The following KMT2D variants were observed in gnomAD, a reference collection of about 807,000 sequenced individuals.
KMT2D encodes histone-lysine N-methyltransferase 2D.
A neutral mutation model predicts 512.7 loss-of-function variants in KMT2D; 55 were observed. The ratio of observed to expected loss-of-function variants is 0.11; its 90% CI spans 0.09 to 0.13. The LOEUF is 0.13. Among genes scored for constraint, KMT2D ranks in the 10% least tolerant of loss-of-function variants. The probability of loss-of-function intolerance (pLI) is 1.00; values close to 1 mark genes in which losing one functional copy is unlikely to be tolerated. For missense variants in KMT2D, 6,061 were observed against 7,127.9 expected, an observed-to-expected ratio of 0.85 and a Z score of 5.39; for synonymous variants, 2,995 against 2,904.0, an observed-to-expected ratio of 1.03 and a Z score of -1.01.
chr12:49,055,462 A>T, intron 1 of KMT2D, 101 bp from the exon 2 acceptor site: 1 of 689,810 alleles, frequency 1.4e-6, no homozygotes, highest in East Asian at 2.7e-5. Context: ...TCCAGACATC[A>T]GAGCAAAGCC....
At position 49,038,410 on chromosome 12, in the gene KMT2D, T is replaced by C. The variant is rs369850197; in HGVS notation, c.8946A>G (p.Glu2982=). The change falls in exon 35 of 55, where the codon GAA becomes GAG. Residue 2982 remains glutamate, a synonymous_variant. Coordinates refer to ENST00000301067, the MANE Select transcript of KMT2D (RefSeq NM_003482.4). This position sits in a 1 kb window ranked among gnomAD's most constrained non-coding sequence, Gnocchi z 5.7. ...GATCCTCACAGGGCAACTTCCCAGC[T>C]TCCAGGGCCAGAGGATTGGGGCGGC... is the stretch of plus-strand genomic sequence containing the variant. The part of the protein sequence containing the change: ...ELGRPNPLAL[E]AGKLPCEDPE... 4.3e-5 allele frequency: 69 copies of C among 1,613,586 alleles called. No homozygotes were observed. Among genetic ancestry groups the C allele is most frequent in the Non-Finnish European group, 5.8e-5 (68 of 1,179,724 alleles).
chr12:49,030,552 C>T (rs1193692519), intron 42 of KMT2D, 49 bp downstream of exon 42: 1 of 1,519,682 alleles, frequency 6.6e-7, no homozygotes, highest in East Asian at 2.3e-5. Flanking sequence ...CCCACCCTCA[C>T]CTTCCCAAGA....
At position 49,032,301 on chromosome 12, in the gene KMT2D, G is replaced by A. The variant is rs1233943512; in HGVS notation, c.12404C>T (p.Ala4135Val). The change falls in exon 40 of 55, where the codon GCT becomes GTT. Residue 4135 changes from alanine to valine, a missense_variant. By Grantham distance (64) the Ala-to-Val change is moderately conservative. This residue lies in a region of KMT2D where 1,600 missense variants were observed against 1,754.9 expected (regional missense o/e 0.91). Coordinates refer to ENST00000301067, the MANE Select transcript of KMT2D (RefSeq NM_003482.4). ...ATCCCCTAAGGAAACAGAGGGCTGA[G>A]CCAGCAGGTGGGGCACAGATGAGGC... ...SEASSVPHLL[A>V]QPSVSLGDQP... 1.9e-5 allele frequency: 30 copies of A among 1,613,824 alleles called. No homozygotes were observed. The highest frequency in any genetic ancestry group is 2.5e-5 in the Non-Finnish European group (30 of 1,179,862).
In KMT2D at chr12:49,044,589, G is replaced by C; in HGVS notation, c.4964-67C>G. 6.3e-7 allele frequency: 1 copy of C among 1,586,324 alleles called. No individual in the cohort carries two copies. ...TAGGCCCTTTTAACCTTGTCATCCT[G>C]CCACTGAGAGAGCTGAATACCTTGC... On this transcript the variant is annotated intron_variant, in intron 20 of 54. Transcript: ENST00000301067. This position sits in a 1 kb window ranked among gnomAD's most constrained non-coding sequence, Gnocchi z 6.4.
chr12:49,034,098 T>C lies in KMT2D; in HGVS notation c.10709A>G (p.Gln3570Arg). Residue 3570 changes from glutamine (Q) to arginine (R), a missense_variant, in exon 39 of 55, where the codon CAG becomes CGG. Transcript: ENST00000301067. Reference protein sequence around the residue: ...DAEKLKLVTEQQSKIQKQLDQ... With the variant: ...DAEKLKLVTERQSKIQKQLDQ... Reference sequence around the variant, plus strand: ...CAGTTGTTTCTGGATCTTGCTCTGCTGCTCTGTAACCAGCTTGAGCTTCTC... The same window carrying C: ...CAGTTGTTTCTGGATCTTGCTCTGCCGCTCTGTAACCAGCTTGAGCTTCTC... 2 of 1,612,958 alleles carry C rather than the reference T, an allele frequency of 1.2e-6. No homozygotes were observed. The highest frequency in any genetic ancestry group is 1.1e-5 in the South Asian group (1 of 91,082).
rs1382788744 is a variant in KMT2D, at chr12:49,026,970, C to A, written c.14996G>T (p.Gly4999Val). The change falls in exon 49 of 55, where the codon GGC (glycine) becomes GTC (valine). Residue 4999 changes from glycine (G) to valine (V), a missense_variant. By Grantham distance (109) the Gly-to-Val change is moderately radical. Around this residue, in one of 16 missense-constraint regions of KMT2D, gnomAD observed 1,600 missense variants for 1,754.9 expected, o/e 0.91. Coordinates refer to ENST00000301067, the MANE Select transcript of KMT2D (RefSeq NM_003482.4). The surrounding 1 kb of genome is among the most constrained non-coding windows in gnomAD (Gnocchi z 9.6). ...RLRLLLTIQK[G>V]SGRQEDEREV... Reference sequence around the variant, plus strand: ...CCGCTCATCCTCCTGCCGCCCACTGCCCTTCTGGATGGTCAGCAGCAGCCG... The same window carrying A: ...CCGCTCATCCTCCTGCCGCCCACTGACCTTCTGGATGGTCAGCAGCAGCCG... The A allele has an allele frequency of 6.2e-7, 1 of 1,614,044 alleles. No individual in the cohort carries two copies. Among genetic ancestry groups the A allele is most frequent in the Non-Finnish European group, 8.5e-7 (1 of 1,179,904 alleles).
chr12:49,042,982 G>A lies in KMT2D; in HGVS notation c.5644+94C>T, dbSNP rs1000582361. 6.4e-7 allele frequency: 1 copy of A among 1,567,362 alleles called. No individual in the cohort carries two copies. Among genetic ancestry groups the A allele is most frequent in the Non-Finnish European group, 8.8e-7 (1 of 1,140,346 alleles). On this transcript the variant is annotated intron_variant, in intron 26 of 54. Transcript: ENST00000301067. The surrounding 1 kb of genome is among the most constrained non-coding windows in gnomAD (Gnocchi z 4.4). Reference sequence around the variant, plus strand: ...AGGAACAGTCCAGGACTCCCCACCAGAGAAGCTGTACAGATCACAGTCCCA... The same window carrying A: ...AGGAACAGTCCAGGACTCCCCACCAAAGAAGCTGTACAGATCACAGTCCCA...
intron 13 of KMT2D, 38 bp downstream of exon 13, chr12:49,049,067 T>G (rs1050966606): frequency 3.8e-6 from 5 of 1,308,640 alleles, no homozygotes; most frequent in Non-Finnish European, 4.4e-6. Context: ...TGCTAAAGCA[T>G]GGTTGGGGGA....
In KMT2D at chr12:49,027,329, G is replaced by A. The variant is rs769087503; in HGVS notation, c.14644-7C>T. On this transcript the variant is annotated splice_region_variant and splice_polypyrimidine_tract_variant and intron_variant, in intron 48 of 54. Coordinates refer to ENST00000301067, the MANE Select transcript of KMT2D (RefSeq NM_003482.4). ...GCTCTGGGGCGGGGCTCTCCTGTAG[G>A]AGGGTGCCCTGTATCATTAGTGCCA... 6.6e-7 allele frequency: 1 copy of A among 1,513,296 alleles called. No individual in the cohort carries two copies. The highest frequency in any genetic ancestry group is 1.3e-5 in the South Asian group (1 of 74,640). The allele number at this position is 1,513,296 out of a possible 1,614,324, so 93.7% of individuals were successfully genotyped here. A position where few individuals can be genotyped will look rare whatever the true frequency, so the allele number is the denominator to read the frequency against.
In KMT2D at chr12:49,022,550, G is replaced by A. The variant is rs771869225; in HGVS notation, c.16338+40C>T. 6.3e-7 allele frequency: 1 copy of A among 1,596,194 alleles called. No individual in the cohort carries two copies. Among genetic ancestry groups the A allele is most frequent in the Non-Finnish European group, 8.6e-7 (1 of 1,168,908 alleles). ...TCCTGCCCTTGCTCCTTGGTTGAGT[G>A]CAGACTATGCACCACAATGGCCCCT... On this transcript the variant is annotated intron_variant, in intron 52 of 54. Transcript: ENST00000301067. This position sits in a 1 kb window ranked among gnomAD's most constrained non-coding sequence, Gnocchi z 8.6.
chr12:49,042,831 C>T lies in KMT2D; in HGVS notation c.5692G>A (p.Val1898Ile), dbSNP rs374902745. Residue 1898 changes from valine to isoleucine, a missense_variant, in exon 27 of 55, where the codon GTT (valine) becomes ATT (isoleucine). Val to Ile is a conservative substitution (Grantham distance 29). Transcript: ENST00000301067. The surrounding 1 kb of genome is among the most constrained non-coding windows in gnomAD (Gnocchi z 4.4). ...TGCTGTTCTCGTTCAGAGCCCAGAA[C>T]ATCCTTGAAGAGCTGCTGCAGGTCC... ...SKDLQQLFKD[V>I]LGSEREQHLG... 9.3e-6 allele frequency: 15 copies of T among 1,613,838 alleles called. No homozygotes were observed. The African/African-American group carries it at 1.5e-4, about 16-fold the overall frequency.
Position 49,054,324 on chromosome 12 carries a change from A to T in KMT2D, c.493T>A (p.Phe165Ile), listed in dbSNP as rs372735664. Residue 165 changes from phenylalanine (F) to isoleucine (I), a missense_variant, in exon 5 of 55, where the codon TTC becomes ATC. Physicochemically the swap from Phe to Ile is conservative, Grantham distance 21. Transcript: ENST00000301067. This position sits in a 1 kb window ranked among gnomAD's most constrained non-coding sequence, Gnocchi z 6.4. Reference sequence around the variant, plus strand: ...AGCCCCACCTGTGAGATCCCTGAGAAGATGGCCTTGTCCACACCACATAGT... The same window carrying T: ...AGCCCCACCTGTGAGATCCCTGAGATGATGGCCTTGTCCACACCACATAGT... ...PELCGVDKAIFSGISQRCSHC... is the reference protein window; with the variant it reads ...PELCGVDKAIISGISQRCSHC... 3 of 1,594,256 alleles carry T rather than the reference A, an allele frequency of 1.9e-6. No individual in the cohort carries two copies. Among genetic ancestry groups the T allele is most frequent in the Non-Finnish European group, 2.6e-6 (3 of 1,170,512 alleles).
chr12:49,049,353 GA>G, intron 12 of KMT2D, 135 bp from the exon 13 acceptor site: 2 of 631,806 alleles, frequency 3.2e-6, no homozygotes. Context: ...CAGGGCAAGG[GA>G]AAAGGCCAAA....
At chr12:49,029,686 T>C (rs558242938) in intron 43 of KMT2D, among the ~76,000 whole-genome samples, 1 of 151,494 alleles carries the variant, frequency 6.6e-6, no homozygotes, top group Non-Finnish European at 1.5e-5. Flanking sequence ...TGTTTTTTTT[T>C]TTTTTTTCCC....
intron 24 of KMT2D, 101 bp from the exon 25 acceptor site, chr12:49,043,529 A>AC (rs1943638503): frequency 6.3e-7 from 1 of 1,588,050 alleles, no homozygotes; most frequent in South Asian, 1.1e-5. Context: ...CCTTGACCCC[A>AC]CCCTTGACTC....
rs574989512 is a variant in KMT2D at position 49,043,419 on chromosome 12, C to G, written c.5477G>C (p.Gly1826Ala). ...ELPTSQKGDD[G>A]PDIADEESRG... Reference sequence around the variant, plus strand: ...GGATTCTTCATCTGCAATATCTGGACCATCATCTCCTATGAGCAAGAGTCC... The same window carrying G: ...GGATTCTTCATCTGCAATATCTGGAGCATCATCTCCTATGAGCAAGAGTCC... The change falls in exon 25 of 55, where the codon GGT becomes GCT. Residue 1826 changes from glycine (G) to alanine (A), a missense_variant. Coordinates refer to ENST00000301067, the MANE Select transcript of KMT2D (RefSeq NM_003482.4). The G allele has an allele frequency of 6.2e-7, 1 of 1,613,922 alleles. No individual in the cohort carries two copies. The highest frequency in any genetic ancestry group is 8.5e-7 in the Non-Finnish European group (1 of 1,179,838).
intron 51 of KMT2D, among the ~76,000 whole-genome samples, 185 bp from the exon 52 acceptor site, chr12:49,023,060 C>A (rs1942402447): frequency 6.6e-6 from 1 of 152,092 alleles, no homozygotes; most frequent in African/African-American, 2.4e-5. Context: ...GGTGAGGAAG[C>A]AACTAGCTAC....
intron 35 of KMT2D, among the ~76,000 whole-genome samples, chr12:49,036,478 ATTT>A (rs34412400): frequency 3.0e-4 from 22 of 73,450 alleles, no homozygotes; most frequent in African/African-American, 7.3e-4. Context: ...CACCCAGCTA[ATTT>A]TTTTTTTTTT....
Position 49,042,815 on chromosome 12 carries a change from C to T in KMT2D, c.5708G>A (p.Arg1903Gln), listed in dbSNP as rs772884731. The change falls in exon 27 of 55, where the codon CGA becomes CAA. Residue 1903 changes from arginine (R) to glutamine (Q), a missense_variant. Around this residue, in one of 16 missense-constraint regions of KMT2D, gnomAD observed 640 missense variants for 814.3 expected, o/e 0.79. Transcript: ENST00000301067. The surrounding 1 kb of genome is among the most constrained non-coding windows in gnomAD (Gnocchi z 4.4). Reference protein sequence around the residue: ...QLFKDVLGSEREQHLGCGTPG... With the variant: ...QLFKDVLGSEQEQHLGCGTPG... ...GGTTCCACAACCCAGATGCTGTTCT[C>T]GTTCAGAGCCCAGAACATCCTTGAA... The T allele has an allele frequency of 5.0e-6, 8 of 1,613,850 alleles. No individual in the cohort carries two copies. The highest frequency in any genetic ancestry group is 3.3e-5 in the Admixed American group (2 of 60,002).
Sources: gnomAD v4.1 joint callset for allele counts (sites outside exome capture counted in the v4.1 genomes callset) on GRCh38, gnomAD v4.1.1 for gene constraint, gnomAD v4.1.1 regional missense constraint, Gnocchi (gnomAD v3.1) non-coding constraint, MANE v1.5 for transcripts, NCBI Gene and HGNC (gene_info 2026-07-23, HGNC 2026-07-21) for gene names.